EPB41L3: variants seen among roughly 807,000 people sequenced by gnomAD.
The protein encoded by EPB41L3 is erythrocyte membrane protein band 4.1 like 3.
EPB41L3 carries 57 observed loss-of-function variants against 127.1 expected under a neutral mutation model. The observed-to-expected ratio is 0.45, with a 90% confidence interval of 0.36 to 0.56. The LOEUF (loss-of-function observed/expected upper bound fraction) is 0.56. Among genes scored for constraint, EPB41L3 ranks in the 20% least tolerant of loss-of-function variants. The pLI, the probability that EPB41L3 is intolerant of heterozygous loss-of-function variation, is 0.00. For synonymous variants in EPB41L3, 572 were observed against 549.5 expected (o/e 1.04, Z -0.57); for missense variants, 1,273 against 1,372.2 (o/e 0.93, Z 1.14).
intron 11 of EPB41L3, among the ~76,000 whole-genome samples, chr18:5,420,512 A>G (rs1325915731): frequency 6.6e-6 from 1 of 152,248 alleles, no homozygotes; most frequent in Non-Finnish European, 1.5e-5. Context: ...CCTAAAGTAC[A>G]GAAATGTTTT....
At chr18:5,424,484 A>G (rs561021466) in intron 9 of EPB41L3, 125 bp from the exon 10 acceptor site, 2 of 656,824 alleles carry the variant, frequency 3.0e-6, no homozygotes, top group South Asian at 2.3e-5. Flanking sequence ...ATCAATTGCT[A>G]TATGCATAAT....
intron 1 of EPB41L3, among the ~76,000 whole-genome samples, chr18:5,513,046 G>A (rs1435667821): frequency 6.6e-6 from 1 of 152,142 alleles, no homozygotes; most frequent in Non-Finnish European, 1.5e-5. Context: ...TGGTATGTTC[G>A]ATCCCTGTGG....
intron 1 of EPB41L3, among the ~76,000 whole-genome samples, chr18:5,541,556 C>G (rs2093731323): frequency 6.6e-6 from 1 of 152,192 alleles, no homozygotes; most frequent in Non-Finnish European, 1.5e-5. Flanking sequence ...AGTTGCCTCT[C>G]TTCTACCTAG....
chr18:5,479,274 G>T (rs1257383679), intron 2 of EPB41L3, among the ~76,000 whole-genome samples: 9 of 152,154 alleles, frequency 5.9e-5, no homozygotes, highest in African/African-American at 2.2e-4. Flanking sequence ...CGATCCTTGG[G>T]CTGCGCCACC....
chr18:5,406,845 T>G lies in EPB41L3; in HGVS notation c.2281A>C (p.Thr761Pro). 6.2e-7 allele frequency: 1 copy of G among 1,614,004 alleles called. No homozygotes were observed. Among genetic ancestry groups the G allele is most frequent in the Non-Finnish European group, 8.5e-7 (1 of 1,179,984 alleles). The change falls in exon 16 of 23, where the codon ACC becomes CCC. Residue 761 changes from threonine (T) to proline (P), a missense_variant. By Grantham distance (38) the Thr-to-Pro change is conservative. Transcript: ENST00000341928. ...CTGGCGGCCAGTCGCACGGGGGAGG[T>G]GGAAAGCCTCTTCTCCCATTCATTC... is the stretch of plus-strand genomic sequence containing the variant. ...VTNEWEKRLS[T>P]SPVRLAARQE... is the part of the protein sequence containing the mutation.
intron 1 of EPB41L3, among the ~76,000 whole-genome samples, chr18:5,542,397 A>T (rs2093756664): frequency 6.6e-6 from 1 of 152,210 alleles, no homozygotes; most frequent in Non-Finnish European, 1.5e-5. Context: ...TGTACTATAG[A>T]AGTTAATGCT....
At chr18:5,396,557 C>T (rs941234699) in intron 18 of EPB41L3, among the ~76,000 whole-genome samples, 3 of 151,526 alleles carry the variant, frequency 2.0e-5, no homozygotes, top group Admixed American at 6.6e-5. Flanking sequence ...ATTTTGAAGG[C>T]AATAAAAAAA....
intron 3 of EPB41L3, among the ~76,000 whole-genome samples, chr18:5,552,546 A>G (rs1371906084): frequency 2.0e-5 from 3 of 152,230 alleles, no homozygotes; most frequent in African/African-American, 4.8e-5. Flanking sequence ...TGTCTAAGTG[A>G]CTATAACCTG....
upstream of EPB41L3, chr18:5,544,187 G>C: frequency 2.0e-6 from 2 of 985,592 alleles, no homozygotes; most frequent in Non-Finnish European, 2.4e-6. Flanking sequence ...CTTCAGGACA[G>C]TTACATGGGC....
chr18:5,544,015 C>A (rs1001939136), upstream of EPB41L3: 15 of 985,418 alleles, frequency 1.5e-5, no homozygotes, highest in Non-Finnish European at 1.8e-5. Context: ...GGGAGGAAGC[C>A]GCAGCCCAGG....
At chr18:5,568,059 G>A (rs1271745292) in intron 3 of EPB41L3, among the ~76,000 whole-genome samples, 4 of 152,122 alleles carry the variant, frequency 2.6e-5, no homozygotes, top group South Asian at 2.1e-4. Flanking sequence ...AGAAGTTTAT[G>A]TAGGAAAAGA....
Position 5,572,963 on chromosome 18 carries a change from A to G in EPB41L3, c.-306+39377T>C, listed in dbSNP as rs1023235504. Reference sequence around the variant, plus strand: ...GCTGAGAGCCCTGGTATTTAGAGAGATGTTGAGAGCTGGGCATAAAAGGAA... The same window carrying G: ...GCTGAGAGCCCTGGTATTTAGAGAGGTGTTGAGAGCTGGGCATAAAAGGAA... On this transcript the variant is annotated intron_variant, in intron 3 of 21. Coordinates refer to the EPB41L3 transcript ENST00000545076. Among the ~76,000 whole-genome samples, 7 of 152,102 alleles carry G rather than the reference A, an allele frequency of 4.6e-5. No individual in the cohort carries two copies. The East Asian group carries it at 1.2e-3, about 25-fold the overall frequency.
intron 3 of EPB41L3, among the ~76,000 whole-genome samples, chr18:5,611,132 C>T (rs939015634): frequency 1.3e-5 from 2 of 152,198 alleles, no homozygotes; most frequent in Non-Finnish European, 2.9e-5. Context: ...TAATCAGTTC[C>T]ATCAAATGCT....
At chr18:5,628,871 C>T (rs2144376560) in intron 1 of EPB41L3, 1 of 151,914 alleles carries the variant, frequency 6.6e-6, no homozygotes, top group East Asian at 2.0e-4. Flanking sequence ...CGGCACGCAG[C>T]CCCTGACGCG....
chr18:5,524,231 T>C (rs2093129837), intron 1 of EPB41L3, among the ~76,000 whole-genome samples: 1 of 152,134 alleles, frequency 6.6e-6, no homozygotes, highest in Admixed American at 6.6e-5. Flanking sequence ...TTTCACTCTG[T>C]TGTCCAGGCT....
intron 3 of EPB41L3, among the ~76,000 whole-genome samples, chr18:5,557,838 AG>A (rs1227956933): frequency 6.6e-6 from 1 of 152,194 alleles, no homozygotes; most frequent in African/African-American, 2.4e-5. Context: ...CTAATAAATA[AG>A]GGGGTCAATG....
intron 1 of EPB41L3, among the ~76,000 whole-genome samples, chr18:5,541,437 C>G (rs1434611892): frequency 6.6e-6 from 1 of 151,964 alleles, no homozygotes; most frequent in Non-Finnish European, 1.5e-5. Context: ...TCATACAACA[C>G]GGAAGAAAAT....
At chr18:5,432,334 G>C (rs1164799329) in intron 8 of EPB41L3, among the ~76,000 whole-genome samples, 2 of 152,088 alleles carry the variant, frequency 1.3e-5, no homozygotes, top group Non-Finnish European at 2.9e-5. Context: ...GACACTCGTT[G>C]GCCTGGAAAC....
chr18:5,408,690 C>T (rs1457344999), intron 14 of EPB41L3, among the ~76,000 whole-genome samples: 1 of 151,352 alleles, frequency 6.6e-6, no homozygotes, highest in East Asian at 1.9e-4. Flanking sequence ...TTAACAACAG[C>T]ATGATTTCTT....
Sources: gnomAD v4.1 joint callset for allele counts (sites outside exome capture counted in the v4.1 genomes callset) on GRCh38, gnomAD v4.1.1 for gene constraint, MANE v1.5 for transcripts, NCBI Gene and HGNC (gene_info 2026-07-23, HGNC 2026-07-21) for gene names.